Variants in FNBP1L observed in about 807,000 individuals in gnomAD.
FNBP1L encodes the protein formin-binding protein 1-like.
FNBP1L carries 36 observed loss-of-function variants against 91.2 expected under a neutral mutation model. The ratio of observed to expected loss-of-function variants is 0.39; its 90% CI spans 0.30 to 0.52. The LOEUF is 0.52. Ranked by LOEUF, FNBP1L falls within the 20% of genes least tolerant of loss-of-function variation. FNBP1L has a pLI of 0.66. For missense variants in FNBP1L, 571 were observed against 732.1 expected, an observed-to-expected ratio of 0.78 and a Z score of 2.54; for synonymous variants, 242 against 237.0, an observed-to-expected ratio of 1.02 and a Z score of -0.19.
intron 1 of FNBP1L, among the ~76,000 whole-genome samples, chr1:93,475,736 A>G (rs546671017): frequency 3.9e-5 from 6 of 152,362 alleles, no homozygotes; most frequent in Non-Finnish European, 8.8e-5. Context: ...TGCTATTCAT[A>G]AGAAATTATG....
intron 4 of FNBP1L, among the ~76,000 whole-genome samples, chr1:93,523,910 TG>T (rs1404676848): frequency 6.6e-6 from 1 of 152,244 alleles, no homozygotes; most frequent in Non-Finnish European, 1.5e-5. Context: ...CTAGCAGAGT[TG>T]AGTGTCACAG....
At chr1:93,539,470 C>T (rs1371238271) in intron 10 of FNBP1L, among the ~76,000 whole-genome samples, 1 of 151,848 alleles carries the variant, frequency 6.6e-6, no homozygotes, top group African/African-American at 2.4e-5. Context: ...ATCTAATTAT[C>T]AAATTTCCAA....
chr1:93,535,037 C>T, intron 9 of FNBP1L, 129 bp downstream of exon 9: 2 of 748,752 alleles, frequency 2.7e-6, no homozygotes, highest in South Asian at 2.1e-5. Context: ...ATTCAGTTAA[C>T]CTTTCACTTA....
chr1:93,453,116 G>A (rs909914592), intron 1 of FNBP1L, among the ~76,000 whole-genome samples: 3 of 152,022 alleles, frequency 2.0e-5, no homozygotes, highest in Admixed American at 6.6e-5. Context: ...CTTATATTAC[G>A]GTTATTATAG....
intron 2 of FNBP1L, among the ~76,000 whole-genome samples, chr1:93,513,492 T>C (rs1413327528): frequency 1.3e-5 from 2 of 151,900 alleles, no homozygotes; most frequent in South Asian, 4.2e-4. Context: ...ACCAATATCC[T>C]TGATGAACAT....
In FNBP1L at chr1:93,543,963, ATTTCT is replaced by A. The variant is rs1040539386; in HGVS notation, c.1165-140_1165-136del. 200 of 515,692 alleles carry A rather than the reference ATTTCT, an allele frequency of 3.9e-4. 1 individual carries two copies. The highest frequency in any genetic ancestry group is 3.7e-4 in the African/African-American group (19 of 51,282). The allele number at this position is 515,692 out of a possible 1,614,324, so 31.9% of individuals were successfully genotyped here. ...CGCATAAACACACACATCTGTGTAG[ATTTCT>A]TTTTTTTTTAAGGGGTTGCTTGAGG... On this transcript the variant is annotated intron_variant, in intron 11 of 16. Transcript: ENST00000271234.
At position 93,543,904 on chromosome 1, in the gene FNBP1L, CTT is replaced by C. The variant is rs1341657879; in HGVS notation, c.1165-200_1165-199del. 2.5e-5 allele frequency: 8 copies of C among 318,814 alleles called. No individual in the cohort carries two copies. The Middle Eastern group carries it at 2.2e-3, about 89-fold the overall frequency. The allele number at this position is 318,814 out of a possible 1,614,324, so 19.7% of individuals were successfully genotyped here. A position where few individuals can be genotyped will look rare whatever the true frequency, so the allele number is the denominator to read the frequency against. On this transcript the variant is annotated intron_variant, in intron 11 of 16. Coordinates refer to ENST00000271234, the MANE Select transcript of FNBP1L (RefSeq NM_001164473.3). The stretch of plus-strand genomic sequence containing the variant: ...TTATAAAATGACTGAAATTTGAGCT[CTT>C]TTCTTCAGTACATTGTTTTCATTAA...
In FNBP1L at chr1:93,448,401, C is replaced by T. The variant is rs1668343148; in HGVS notation, c.24+96C>T. ...GACCCTCGGCGGTGAAAGCGCGCTC[C>T]GCCGTCCTCGGTCCGGCGCTGGCGG... On this transcript the variant is annotated intron_variant, in intron 1 of 16. Coordinates refer to ENST00000271234, the MANE Select transcript of FNBP1L (RefSeq NM_001164473.3). 6.0e-6 allele frequency: 8 copies of T among 1,328,876 alleles called. No individual in the cohort carries two copies. The South Asian group carries it at 9.5e-5, about 16-fold the overall frequency. The allele number at this position is 1,328,876 out of a possible 1,614,324, so 82.3% of individuals were successfully genotyped here. A position where few individuals can be genotyped will look rare whatever the true frequency, so the allele number is the denominator to read the frequency against.
chr1:93,453,534 GGAAATAGTAAGA>G (rs1247245568), intron 1 of FNBP1L, among the ~76,000 whole-genome samples: 1 of 152,108 alleles, frequency 6.6e-6, no homozygotes, highest in East Asian at 1.9e-4. Flanking sequence ...TTTGTAGAGA[GGAAATAGTAAGA>G]GAAATAGTAA....
chr1:93,512,186 T>A (rs1406459831), intron 2 of FNBP1L, among the ~76,000 whole-genome samples: 1 of 152,108 alleles, frequency 6.6e-6, no homozygotes, highest in Non-Finnish European at 1.5e-5. Flanking sequence ...GGCCATTACA[T>A]AATGGTAATG....
At chr1:93,497,642 C>T (rs1489759420) in intron 1 of FNBP1L, among the ~76,000 whole-genome samples, 1 of 152,092 alleles carries the variant, frequency 6.6e-6, no homozygotes, top group East Asian at 1.9e-4. Context: ...TTTTTTGAGA[C>T]AGAGTCTCAC....
At chr1:93,508,227 G>A (rs1670701283) in intron 2 of FNBP1L, among the ~76,000 whole-genome samples, 1 of 152,038 alleles carries the variant, frequency 6.6e-6, no homozygotes, top group Non-Finnish European at 1.5e-5. Context: ...ACATGTGCCT[G>A]CAGTCCCAGC....
Position 93,489,741 on chromosome 1 carries a change from T to G in FNBP1L, c.25-9727T>G, listed in dbSNP as rs1399228145. On this transcript the variant is annotated intron_variant, in intron 1 of 16. Coordinates refer to ENST00000271234, the MANE Select transcript of FNBP1L (RefSeq NM_001164473.3). ...GAGAAACCAAAAATAACTAAATTGA[T>G]TTTTTAAAAATTCTACAATATTTCT... Among the ~76,000 whole-genome samples, 5 of 152,190 alleles carry G rather than the reference T, an allele frequency of 3.3e-5. No individual in the cohort carries two copies. In the East Asian group the frequency reaches 9.6e-4, roughly 29 times the overall value.
chr1:93,472,246 G>A (rs955365179), intron 1 of FNBP1L, among the ~76,000 whole-genome samples: 5 of 152,234 alleles, frequency 3.3e-5, no homozygotes, highest in African/African-American at 1.2e-4. Flanking sequence ...CTTGGACTGA[G>A]TCATATTCCC....
intron 3 of FNBP1L, among the ~76,000 whole-genome samples, chr1:93,523,090 A>G (rs1671383703): frequency 6.6e-6 from 1 of 152,234 alleles, no homozygotes; most frequent in East Asian, 1.9e-4. Context: ...AAGAGCCTGC[A>G]GGTAGTATTC....
At chr1:93,473,094 ATTC>A (rs1442610248) in intron 1 of FNBP1L, among the ~76,000 whole-genome samples, 16 of 152,050 alleles carry the variant, frequency 1.1e-4, no homozygotes, top group Admixed American at 7.9e-4. Context: ...TACAAATTTT[ATTC>A]TTAGTATCAT....
At chr1:93,548,067 G>A (rs1010189945) in intron 14 of FNBP1L, among the ~76,000 whole-genome samples, 17 of 152,020 alleles carry the variant, frequency 1.1e-4, no homozygotes, top group African/African-American at 3.6e-4. Context: ...TAAAATGGAG[G>A]TTAAAATATC....
chr1:93,471,724 C>A (rs538694128), intron 1 of FNBP1L, among the ~76,000 whole-genome samples: 12 of 152,146 alleles, frequency 7.9e-5, no homozygotes, highest in Admixed American at 3.3e-4. Context: ...AAACCTAATT[C>A]TTTTTTATTT....
At chr1:93,487,195 C>G (rs1409645814) in intron 1 of FNBP1L, among the ~76,000 whole-genome samples, 1 of 152,178 alleles carries the variant, frequency 6.6e-6, no homozygotes, top group African/African-American at 2.4e-5. Flanking sequence ...TGAAATAATA[C>G]ATTATTCATT....
Sources: allele counts gnomAD v4.1 joint callset (sites outside exome capture counted in the v4.1 genomes callset), GRCh38; gene constraint gnomAD v4.1.1; transcripts MANE v1.5; gene names NCBI Gene and HGNC (gene_info 2026-07-23, HGNC 2026-07-21).